Variants in CRTC1 observed in about 807,000 individuals in gnomAD.
CRTC1 encodes CREB-regulated transcription coactivator 1.
Under a neutral mutation model 66.1 loss-of-function variants are expected in CRTC1, and 18 were observed. That is an observed-to-expected ratio of 0.27 (90% CI 0.19 to 0.40). CRTC1 has a LOEUF of 0.40. Among genes scored for constraint, CRTC1 ranks in the 10% least tolerant of loss-of-function variants. The pLI is 1.00. For missense variants in CRTC1, 669 were observed against 887.9 expected (o/e 0.75, Z 3.13); for synonymous variants, 416 against 398.8 (o/e 1.04, Z -0.51).
At chr19:18,759,933 C>CCCGCCAGCCCCCAGTCCCCG in intron 7 of CRTC1, 75 bp from the exon 8 acceptor site, 1 of 991,358 alleles carries the variant, frequency 1.0e-6, no homozygotes, top group Non-Finnish European at 1.4e-6. Flanking sequence ...CTGATTTTCT[C>CCCGCCAGCCCCCAGTCCCCG]CCGCCAGCCC....
chr19:18,727,406 C>G (rs553641234), intron 1 of CRTC1, among the ~76,000 whole-genome samples: 1 of 151,606 alleles, frequency 6.6e-6, no homozygotes, highest in South Asian at 2.1e-4. Context: ...ACAGTGAAAC[C>G]CTATCTCTAC....
intron 3 of CRTC1, 152 bp from the exon 4 acceptor site, chr19:18,746,901 G>T: frequency 4.5e-6 from 3 of 664,298 alleles, no homozygotes; most frequent in South Asian, 1.8e-5. Flanking sequence ...AGGAAAGGCC[G>T]GCAGGAAACG....
intron 1 of CRTC1, among the ~76,000 whole-genome samples, chr19:18,701,280 C>T (rs947812034): frequency 6.6e-6 from 1 of 152,272 alleles, no homozygotes; most frequent in African/African-American, 2.4e-5. Context: ...TCCCTCCCTT[C>T]TGTGCCTCAG....
intron 1 of CRTC1, among the ~76,000 whole-genome samples, chr19:18,734,993 C>T (rs906132362): frequency 6.6e-6 from 1 of 152,182 alleles, no homozygotes; most frequent in Non-Finnish European, 1.5e-5. Flanking sequence ...CATCCCTTAC[C>T]CCTATGGCGA....
intron 1 of CRTC1, among the ~76,000 whole-genome samples, chr19:18,687,992 G>A (rs2052728164): frequency 6.6e-6 from 1 of 152,100 alleles, no homozygotes; most frequent in Non-Finnish European, 1.5e-5. Context: ...AGAATCCTGA[G>A]TTGTAAAGTT....
chr19:18,687,574 C>T (rs968952359), intron 1 of CRTC1, among the ~76,000 whole-genome samples: 8 of 152,128 alleles, frequency 5.3e-5, no homozygotes, highest in South Asian at 2.1e-4. Flanking sequence ...GCAGCCATGG[C>T]GCGCTGCCTC....
rs141422008 is a variant in CRTC1, at chr19:18,777,421, G to A, written c.*39G>A. On this transcript the variant is annotated 3_prime_UTR_variant, in exon 14 of 14. Transcript: ENST00000321949. This position sits in a 1 kb window ranked among gnomAD's most constrained non-coding sequence, Gnocchi z 5.5. ...CACCCTGCCGCTCAGCCGTCCCGAC[G>A]GCGCCTCCCCAGCCCGGGGACGGCC... 6 of 1,572,350 alleles carry A rather than the reference G, an allele frequency of 3.8e-6. No homozygotes were observed. Among genetic ancestry groups the A allele is most frequent in the Non-Finnish European group, 4.3e-6 (5 of 1,156,030 alleles).
intron 4 of CRTC1, among the ~76,000 whole-genome samples, chr19:18,747,348 A>G (rs2054269484): frequency 6.6e-6 from 1 of 152,028 alleles, no homozygotes; most frequent in Non-Finnish European, 1.5e-5. Flanking sequence ...GACAAAAACA[A>G]AAGTGGGACC....
rs370245921 is a variant in CRTC1, at chr19:18,740,438, G to A, written c.127-2472G>A. On this transcript the variant is annotated intron_variant, in intron 1 of 13. Coordinates refer to ENST00000321949, the MANE Select transcript of CRTC1 (RefSeq NM_015321.3). ...TGTACTGGGGGCTGGTCCTGTAGAC[G>A]TGGCTGACCACCCTCATGGCCAACC... Among the ~76,000 whole-genome samples, 49 of 152,250 alleles carry A rather than the reference G, an allele frequency of 3.2e-4. No individual in the cohort carries two copies. In the East Asian group the frequency reaches 4.1e-3, roughly 13 times the overall value.
intron 4 of CRTC1, among the ~76,000 whole-genome samples, chr19:18,747,853 G>A (rs1420296929): frequency 6.6e-6 from 1 of 152,154 alleles, no homozygotes; most frequent in Non-Finnish European, 1.5e-5. Flanking sequence ...CAACGCAGGC[G>A]ATCAGTTGAA....
At chr19:18,765,268 G>A (rs757371466) in intron 8 of CRTC1, 136 bp from the exon 9 acceptor site, 36 of 1,316,792 alleles carry the variant, frequency 2.7e-5, no homozygotes, top group Admixed American at 4.9e-5. Flanking sequence ...CCCAGGTTTG[G>A]CAGTTGGGAC....
intron 1 of CRTC1, among the ~76,000 whole-genome samples, chr19:18,702,628 G>T (rs1319455291): frequency 6.6e-6 from 1 of 151,388 alleles, no homozygotes; most frequent in African/African-American, 2.4e-5. Flanking sequence ...CCACCTCCCG[G>T]GTTCAAGCGA....
chr19:18,758,438 A>G (rs983227047), intron 6 of CRTC1, among the ~76,000 whole-genome samples: 1 of 151,798 alleles, frequency 6.6e-6, no homozygotes, highest in Non-Finnish European at 1.5e-5. Context: ...TCTGTGGGCC[A>G]CAGTCCAAGA....
intron 1 of CRTC1, among the ~76,000 whole-genome samples, chr19:18,720,579 G>T (rs1329255154): frequency 6.8e-6 from 1 of 147,096 alleles, no homozygotes; most frequent in Non-Finnish European, 1.5e-5. Context: ...TGTTAGTCAG[G>T]ATGGTCTTGA....
At chr19:18,717,909 G>A (rs1398854956) in intron 1 of CRTC1, among the ~76,000 whole-genome samples, 1 of 152,108 alleles carries the variant, frequency 6.6e-6, no homozygotes, top group Non-Finnish European at 1.5e-5. Context: ...GGACCTGGCA[G>A]TAGGGACAGG....
At chr19:18,684,176 G>A (rs1284955006) in intron 1 of CRTC1, among the ~76,000 whole-genome samples, 3 of 152,026 alleles carry the variant, frequency 2.0e-5, no homozygotes, top group Non-Finnish European at 4.4e-5. Flanking sequence ...ATTGTTACCC[G>A]AGGGGGACAG....
chr19:18,768,891 G>A lies in CRTC1; in HGVS notation c.1320+98G>A. 6.9e-7 allele frequency: 1 copy of A among 1,443,418 alleles called. No individual in the cohort carries two copies. The highest frequency in any genetic ancestry group is 2.6e-5 in the East Asian group (1 of 38,418). 89.4% of individuals were successfully genotyped at this position (1,443,418 alleles called of 1,614,324 possible). A position where few individuals can be genotyped will look rare whatever the true frequency, so the allele number is the denominator to read the frequency against. On this transcript the variant is annotated intron_variant, in intron 10 of 13. Coordinates refer to ENST00000321949, the MANE Select transcript of CRTC1 (RefSeq NM_015321.3). This position sits in a 1 kb window ranked among gnomAD's most constrained non-coding sequence, Gnocchi z 5.6. ...GTCGGGTTACCTGCTGCATGGGCCA[G>A]GGGTCAGAACCCCAGCGAACGCTGC...
Position 18,768,977 on chromosome 19 carries a change from A to G in CRTC1, c.1320+184A>G, listed in dbSNP as rs891097776. 6.6e-6 allele frequency among the ~76,000 whole-genome samples: 1 copy of G among 152,200 alleles called. No individual in the cohort carries two copies. Among genetic ancestry groups the G allele is most frequent in the South Asian group, 2.1e-4 (1 of 4,838 alleles). ...TCAAACTGAGACTGTCACTCCCTGT[A>G]GAGATGGAGAAACTGAGGCACGAGC... is the stretch of plus-strand genomic sequence containing the variant. On this transcript the variant is annotated intron_variant, in intron 10 of 13. Coordinates refer to ENST00000321949, the MANE Select transcript of CRTC1 (RefSeq NM_015321.3). The surrounding 1 kb of genome is among the most constrained non-coding windows in gnomAD (Gnocchi z 5.6).
chr19:18,760,366 AC>A lies in CRTC1; in HGVS notation c.886+141del. 1.4e-6 allele frequency: 1 copy of A among 732,874 alleles called. No homozygotes were observed. The highest frequency in any genetic ancestry group is 2.2e-6 in the Non-Finnish European group (1 of 448,132). 45.4% of individuals were successfully genotyped at this position (732,874 alleles called of 1,614,324 possible). ...GGGCTGGGGGGCGGCCGACAGGCTGACCCAGCGGGCACAGGCATCCCAGGTA... is the reference window on the plus strand; with the variant it reads ...GGGCTGGGGGGCGGCCGACAGGCTGACCAGCGGGCACAGGCATCCCAGGTA... On this transcript the variant is annotated intron_variant, in intron 8 of 13. Coordinates refer to ENST00000321949, the MANE Select transcript of CRTC1 (RefSeq NM_015321.3). The surrounding 1 kb of genome is among the most constrained non-coding windows in gnomAD (Gnocchi z 6.2).
Sources: allele counts gnomAD v4.1 joint callset (sites outside exome capture counted in the v4.1 genomes callset), GRCh38; gene constraint gnomAD v4.1.1; non-coding constraint Gnocchi (gnomAD v3.1); transcripts MANE v1.5; gene names NCBI Gene and HGNC (gene_info 2026-07-23, HGNC 2026-07-21).